The following NQO1 variants were observed in gnomAD, a reference collection of about 807,000 sequenced individuals.
The protein encoded by NQO1 is NAD(P)H dehydrogenase [quinone] 1.
Under a neutral mutation model 32.1 loss-of-function variants are expected in NQO1, and 30 were observed. The ratio of observed to expected loss-of-function variants is 0.94; its 90% CI spans 0.70 to 1.27. The LOEUF is 1.27. Ranked by LOEUF, NQO1 falls within the 50% of genes most tolerant of loss-of-function variation. The pLI, the probability that NQO1 is intolerant of heterozygous loss-of-function variation, is 0.00. For synonymous variants in NQO1, 109 were observed against 119.7 expected (o/e 0.91, Z 0.59); for missense variants, 276 against 331.3 (o/e 0.83, Z 1.30).
intron 3 of NQO1, among the ~76,000 whole-genome samples, chr16:69,717,087 A>G (rs2038122926): frequency 6.6e-6 from 1 of 151,390 alleles, no homozygotes; most frequent in South Asian, 2.1e-4. Context: ...AACTAAAAAA[A>G]AAAAAGAGAG....
In NQO1 at chr16:69,718,351, G is replaced by A. The variant is rs1446495590; in HGVS notation, c.172+19C>T. On this transcript the variant is annotated intron_variant, in intron 2 of 5. Transcript: ENST00000320623. ...TCCGCAAAGAACTAATTAAAGAGGG[G>A]AGGAGGAACTCCTCCTACCTGTGAT... 2 of 1,614,000 alleles carry A rather than the reference G, an allele frequency of 1.2e-6. No homozygotes were observed. The highest frequency in any genetic ancestry group is 1.7e-5 in the Admixed American group (1 of 60,008).
chr16:69,718,113 C>T lies in NQO1; in HGVS notation c.303+10G>A. On this transcript the variant is annotated intron_variant, in intron 3 of 5. Coordinates refer to ENST00000320623, the MANE Select transcript of NQO1 (RefSeq NM_000903.3). ...ATGTCCCTGACACCCCTTCCGATGT[C>T]CCCCCATACCTGGAATATCACAAGG... 1 of 1,613,752 alleles carries T rather than the reference C, an allele frequency of 6.2e-7. No homozygotes were observed. The highest frequency in any genetic ancestry group is 8.5e-7 in the Non-Finnish European group (1 of 1,179,812).
intron 1 of NQO1, among the ~76,000 whole-genome samples, chr16:69,720,881 T>G (rs1478334670): frequency 6.7e-6 from 1 of 150,242 alleles, no homozygotes; most frequent in African/African-American, 2.5e-5. Context: ...CATTCCTTTT[T>G]TTTCTTTTTC....
At chr16:69,714,653 G>T (rs2038088547) in intron 4 of NQO1, among the ~76,000 whole-genome samples, 1 of 150,656 alleles carries the variant, frequency 6.6e-6, no homozygotes, top group South Asian at 2.1e-4. Context: ...GCTGAGGCGG[G>T]TAGATCACCT....
intron 3 of NQO1, among the ~76,000 whole-genome samples, chr16:69,716,811 C>A (rs2038119104): frequency 1.3e-5 from 2 of 151,964 alleles, no homozygotes; most frequent in Admixed American, 1.3e-4. Context: ...ATTAGCAGGG[C>A]ATGGTGGTGT....
chr16:69,709,858 G>T lies in NQO1; in HGVS notation c.*1118C>A. On this transcript the variant is annotated 3_prime_UTR_variant, in exon 6 of 6. Coordinates refer to ENST00000320623, the MANE Select transcript of NQO1 (RefSeq NM_000903.3). ...TCATGGGACTGGACCCCATCCCATA[G>T]TAAGTCATCAGTTTAGCAATGATAA... 2.5e-6 allele frequency: 1 copy of T among 398,592 alleles called. No individual in the cohort carries two copies. Among genetic ancestry groups the T allele is most frequent in the Admixed American group, 4.4e-5 (1 of 22,726 alleles). The allele number at this position is 398,592 out of a possible 1,614,324, so 24.7% of individuals were successfully genotyped here.
At chr16:69,719,331 T>C (rs1347016744) in intron 1 of NQO1, among the ~76,000 whole-genome samples, 1 of 152,202 alleles carries the variant, frequency 6.6e-6, no homozygotes, top group South Asian at 2.1e-4. Flanking sequence ...GGGGAATCTG[T>C]TCTACAGACT....
intron 1 of NQO1, among the ~76,000 whole-genome samples, chr16:69,722,512 C>G (rs1216509668): frequency 6.6e-6 from 1 of 152,174 alleles, no homozygotes; most frequent in African/African-American, 2.4e-5. Context: ...ACTAAAATAA[C>G]TAGAAAGGCA....
chr16:69,714,499 C>T (rs1272695387), intron 4 of NQO1, among the ~76,000 whole-genome samples: 3 of 151,722 alleles, frequency 2.0e-5, no homozygotes, highest in Non-Finnish European at 4.4e-5. Flanking sequence ...AAATCCCAAA[C>T]ATCATGTCAT....
At position 69,713,010 on chromosome 16, in the gene NQO1, G is replaced by T. The variant is rs921260455; in HGVS notation, c.519+18C>A. On this transcript the variant is annotated intron_variant, in intron 5 of 5. Coordinates refer to ENST00000320623, the MANE Select transcript of NQO1 (RefSeq NM_000903.3). ...TCCGTCTCAAAGAAAAAAAAGAAAAGAAAAGAAAATGAGGTACCTGAATTG... is the reference window on the plus strand; with the variant it reads ...TCCGTCTCAAAGAAAAAAAAGAAAATAAAAGAAAATGAGGTACCTGAATTG... The T allele has an allele frequency of 5.0e-6, 8 of 1,599,010 alleles. No individual in the cohort carries two copies. Among genetic ancestry groups the T allele is most frequent in the Non-Finnish European group, 6.8e-6 (8 of 1,168,602 alleles).
chr16:69,721,602 G>C (rs2038192188), intron 1 of NQO1, among the ~76,000 whole-genome samples: 1 of 152,114 alleles, frequency 6.6e-6, no homozygotes, highest in Non-Finnish European at 1.5e-5. Context: ...TCAATACCAT[G>C]AGTAGCCCCA....
chr16:69,716,082 T>G (rs964723325), intron 3 of NQO1, among the ~76,000 whole-genome samples: 1 of 150,642 alleles, frequency 6.6e-6, no homozygotes, highest in Non-Finnish European at 1.5e-5. Flanking sequence ...GCAGGAGGAT[T>G]GCTTGAGCCC....
chr16:69,721,524 T>A (rs1342117222), intron 1 of NQO1, among the ~76,000 whole-genome samples: 1 of 152,184 alleles, frequency 6.6e-6, no homozygotes, highest in African/African-American at 2.4e-5. Context: ...TTTCTCTTTT[T>A]TATTAACTAC....
chr16:69,722,367 A>T (rs576127260), intron 1 of NQO1, among the ~76,000 whole-genome samples: 4 of 152,236 alleles, frequency 2.6e-5, no homozygotes, highest in African/African-American at 9.6e-5. Context: ...ACACCATGTT[A>T]GCCAGGATGG....
chr16:69,722,040 G>T (rs1022478817), intron 1 of NQO1, among the ~76,000 whole-genome samples: 1 of 151,828 alleles, frequency 6.6e-6, no homozygotes, highest in African/African-American at 2.4e-5. Context: ...GGCATAGAGC[G>T]AATTGCCAGA....
At chr16:69,726,367 A>T in intron 1 of NQO1, 66 bp downstream of exon 1, 2 of 1,598,512 alleles carry the variant, frequency 1.3e-6, no homozygotes, top group South Asian at 2.2e-5. Flanking sequence ...AGCCCCTACA[A>T]CCTCCTCCAC....
chr16:69,718,805 T>C (rs6499246), intron 1 of NQO1, among the ~76,000 whole-genome samples: 131,568 of 151,984 alleles, frequency 0.87, 57,155 homozygotes, highest in Admixed American at 0.92. Context: ...GAGGCCAAGG[T>C]GGGCAGATCA....
At chr16:69,722,278 C>T (rs2038202726) in intron 1 of NQO1, among the ~76,000 whole-genome samples, 1 of 152,166 alleles carries the variant, frequency 6.6e-6, no homozygotes, top group African/African-American at 2.4e-5. Flanking sequence ...ATTCTCCTTC[C>T]TCAGCCTCCG....
chr16:69,710,659 C>G lies in NQO1; in HGVS notation c.*317G>C. ...GAGAGTTGAATGATACCTAGCCAAA[C>G]TGTACCCTAAAACTTTAGCCCTAAA... On this transcript the variant is annotated 3_prime_UTR_variant, in exon 6 of 6. Transcript: ENST00000320623. 3.3e-6 allele frequency: 1 copy of G among 300,872 alleles called. No individual in the cohort carries two copies. The highest frequency in any genetic ancestry group is 4.6e-5 in the South Asian group (1 of 21,754). 18.6% of individuals were successfully genotyped at this position (300,872 alleles called of 1,614,324 possible).
Sources: gnomAD v4.1 joint callset for allele counts (sites outside exome capture counted in the v4.1 genomes callset) on GRCh38, gnomAD v4.1.1 for gene constraint, MANE v1.5 for transcripts, NCBI Gene and HGNC (gene_info 2026-07-23, HGNC 2026-07-21) for gene names.